FOXP2: variants seen among roughly 807,000 people sequenced by gnomAD.
FOXP2 encodes forkhead box protein P2.
In FOXP2, 12 loss-of-function variants were observed where a neutral mutation model predicts 115.8. The ratio of observed to expected loss-of-function variants is 0.10; its 90% CI spans 0.07 to 0.17. The LOEUF (loss-of-function observed/expected upper bound fraction) is 0.17. FOXP2 is among the 10% of genes least tolerant of loss of function. The pLI, the probability that FOXP2 is intolerant of heterozygous loss-of-function variation, is 1.00. For missense variants in FOXP2, 629 were observed against 843.5 expected (o/e 0.75, Z 3.15); for synonymous variants, 328 against 297.7 (o/e 1.10, Z -1.05).
At chr7:114,225,478 T>C (rs1794724218) in intron 1 of FOXP2, among the ~76,000 whole-genome samples, 1 of 152,136 alleles carries the variant, frequency 6.6e-6, no homozygotes, top group African/African-American at 2.4e-5. Flanking sequence ...AGGGTCTTTC[T>C]CCATTGCCCA....
chr7:114,271,395 G>A (rs1298440642), intron 1 of FOXP2, among the ~76,000 whole-genome samples: 2 of 148,348 alleles, frequency 1.3e-5, no homozygotes, highest in Admixed American at 1.4e-4. Context: ...TCACAATTAA[G>A]TATGTTAGCT....
At position 114,326,113 on chromosome 7, in the gene FOXP2, T is replaced by C. The variant is rs571538919; in HGVS notation, c.-11+38004T>C. ...TTAGTTCATTCATGGTCTGATCAGA[T>C]TGAGATGTAAAATGCAGACTATCTG... On this transcript the variant is annotated intron_variant, in intron 2 of 17. Transcript: ENST00000634411. Among the ~76,000 whole-genome samples the C allele has an allele frequency of 3.3e-5, 5 of 152,212 alleles. No homozygotes were observed. The East Asian group carries it at 9.7e-4, about 29-fold the overall frequency.
intron 2 of FOXP2, among the ~76,000 whole-genome samples, chr7:114,395,674 T>C (rs1309260966): frequency 6.6e-6 from 1 of 152,106 alleles, no homozygotes; most frequent in Admixed American, 6.6e-5. Flanking sequence ...AAACATGAGA[T>C]GTAGATTTGA....
rs532662685 is a variant in FOXP2, at chr7:114,676,658, A to G, written c.2003+12222A>G. Among the ~76,000 whole-genome samples, 10 of 152,252 alleles carry G rather than the reference A, an allele frequency of 6.6e-5. No homozygotes were observed. In the East Asian group the frequency reaches 1.2e-3, roughly 18 times the overall value. On this transcript the variant is annotated intron_variant, in intron 16 of 16. Transcript: ENST00000350908. ...GCTAATCATATCTATAGGGTTTTTT[A>G]AAAGATGTATTTCTTTTGTAAAAAG...
chr7:114,652,812 G>A (rs1259513076), intron 9 of FOXP2, among the ~76,000 whole-genome samples: 1 of 151,958 alleles, frequency 6.6e-6, no homozygotes, highest in Admixed American at 6.6e-5. Context: ...TAGATTAAAG[G>A]CAGATAATTT....
chr7:114,537,947 C>T (rs191331503), intron 3 of FOXP2, among the ~76,000 whole-genome samples: 128 of 151,628 alleles, frequency 8.4e-4, no homozygotes, highest in African/African-American at 3.0e-3. Context: ...CTGTGTATAC[C>T]AGAAAACATA....
chr7:114,105,768 G>A (rs1466890992), intron 1 of FOXP2, among the ~76,000 whole-genome samples: 1 of 151,988 alleles, frequency 6.6e-6, no homozygotes, highest in Admixed American at 6.6e-5. Flanking sequence ...CTGACGAGAC[G>A]ATTAAGGCAG....
At chr7:114,270,303 T>C (rs2129172707) in intron 1 of FOXP2, among the ~76,000 whole-genome samples, 1 of 152,304 alleles carries the variant, frequency 6.6e-6, no homozygotes, top group Admixed American at 6.5e-5. Flanking sequence ...TGCTTCTGTT[T>C]GGACTGAAAT....
intron 3 of FOXP2, among the ~76,000 whole-genome samples, chr7:114,547,803 G>T (rs1240070356): frequency 6.6e-6 from 1 of 151,776 alleles, no homozygotes; most frequent in East Asian, 1.9e-4. Flanking sequence ...TGATGTGAGG[G>T]TTTCTCAAAT....
intron 1 of FOXP2, among the ~76,000 whole-genome samples, chr7:114,128,080 T>A (rs1461067212): frequency 1.3e-5 from 2 of 152,194 alleles, no homozygotes; most frequent in African/African-American, 4.8e-5. Flanking sequence ...AGGCTAATGA[T>A]TGAACTGGTT....
chr7:114,502,578 A>G (rs1486321735), intron 2 of FOXP2, among the ~76,000 whole-genome samples: 1 of 152,090 alleles, frequency 6.6e-6, no homozygotes, highest in African/African-American at 2.4e-5. Flanking sequence ...ACAGATCCCC[A>G]AAGTGGAGAC....
intron 1 of FOXP2, among the ~76,000 whole-genome samples, chr7:114,185,738 C>T (rs536264920): frequency 6.6e-6 from 1 of 152,232 alleles, no homozygotes; most frequent in South Asian, 2.1e-4. Context: ...GGTTCTTTGC[C>T]TCCAAAGGTT....
chr7:114,474,793 T>C (rs1796186331), intron 2 of FOXP2, among the ~76,000 whole-genome samples: 1 of 152,164 alleles, frequency 6.6e-6, no homozygotes. Flanking sequence ...TTTCCACATG[T>C]CATTGCCTGA....
upstream of FOXP2, among the ~76,000 whole-genome samples, chr7:114,411,486 A>G (rs1454260574): frequency 6.6e-6 from 1 of 152,164 alleles, no homozygotes; most frequent in Non-Finnish European, 1.5e-5. Flanking sequence ...CCATTTTTGA[A>G]TAAAGGAATT....
chr7:114,590,114 C>G (rs917258525), intron 3 of FOXP2, among the ~76,000 whole-genome samples: 8 of 152,042 alleles, frequency 5.3e-5, no homozygotes, highest in Admixed American at 2.6e-4. Context: ...GCCACATTCC[C>G]CTACCTAACG....
At chr7:114,300,170 G>A (rs1011036859) in intron 2 of FOXP2, among the ~76,000 whole-genome samples, 1 of 151,864 alleles carries the variant, frequency 6.6e-6, no homozygotes, top group Non-Finnish European at 1.5e-5. Context: ...GGTTCTTATT[G>A]TTATACTTTA....
chr7:114,127,973 T>C (rs924858824), intron 1 of FOXP2, among the ~76,000 whole-genome samples: 12 of 152,164 alleles, frequency 7.9e-5, no homozygotes. Context: ...ATTTTCAAAA[T>C]AGTAATGATA....
Position 114,610,486 on chromosome 7 carries a change from A to G in FOXP2, c.259-18054A>G, listed in dbSNP as rs146317457. Reference sequence around the variant, plus strand: ...AGTGAATTTTAAAATATATTTTAATATTTTAATGTTAACATTGTACATACA... The same window carrying G: ...AGTGAATTTTAAAATATATTTTAATGTTTTAATGTTAACATTGTACATACA... On this transcript the variant is annotated intron_variant, in intron 3 of 16. Coordinates refer to ENST00000350908, the MANE Select transcript of FOXP2 (RefSeq NM_014491.4). Among the ~76,000 whole-genome samples, 35 of 152,322 alleles carry G rather than the reference A, an allele frequency of 2.3e-4. No homozygotes were observed. The East Asian group carries it at 5.6e-3, about 24-fold the overall frequency.
chr7:114,638,965 C>T (rs978224704), intron 6 of FOXP2, among the ~76,000 whole-genome samples: 1 of 152,106 alleles, frequency 6.6e-6, no homozygotes, highest in African/African-American at 2.4e-5. Flanking sequence ...CTACTAACTG[C>T]CTGACATTTG....
Sources: gnomAD v4.1 joint callset for allele counts (sites outside exome capture counted in the v4.1 genomes callset) on GRCh38, gnomAD v4.1.1 for gene constraint, MANE v1.5 for transcripts, NCBI Gene and HGNC (gene_info 2026-07-23, HGNC 2026-07-21) for gene names.